GALNT14: variants seen among roughly 807,000 people sequenced by gnomAD.
GALNT14 encodes polypeptide N-acetylgalactosaminyltransferase 14, also known as UDP-GalNAc:polypeptide N-acetylgalactosaminyltransferase 14.
A neutral mutation model predicts 77.5 loss-of-function variants in GALNT14; 60 were observed. That is an observed-to-expected ratio of 0.77 (90% CI 0.63 to 0.96). The LOEUF is 0.96. GALNT14 is among the 40% of genes least tolerant of loss of function. The pLI, the probability that GALNT14 is intolerant of heterozygous loss-of-function variation, is 0.00. For missense variants in GALNT14, 710 were observed against 731.0 expected, an observed-to-expected ratio of 0.97 and a Z score of 0.33; for synonymous variants, 280 against 281.7, an observed-to-expected ratio of 0.99 and a Z score of 0.06.
chr2:31,059,682 G>A (rs1674465965), intron 1 of GALNT14, among the ~76,000 whole-genome samples: 1 of 152,140 alleles, frequency 6.6e-6, no homozygotes, highest in African/African-American at 2.4e-5. Context: ...TCCAGCCTAG[G>A]CAACAGAGCA....
intron 2 of GALNT14, chr2:30,991,351 C>T (rs1218339850): frequency 6.7e-6 from 1 of 150,356 alleles, no homozygotes; most frequent in African/African-American, 2.5e-5. Flanking sequence ...TCCCTCTTCC[C>T]CTCTCTCCTA....
At chr2:31,111,569 AATAAACT>A (rs1332337136) in intron 1 of GALNT14, among the ~76,000 whole-genome samples, 2 of 151,850 alleles carry the variant, frequency 1.3e-5, no homozygotes, top group Admixed American at 1.3e-4. Context: ...TTAAGCAGAA[AATAAACT>A]ATAACAAACC....
intron 3 of GALNT14, among the ~76,000 whole-genome samples, chr2:30,960,866 C>A (rs796432678): frequency 2.0e-5 from 3 of 152,248 alleles, no homozygotes; most frequent in Admixed American, 2.0e-4. Flanking sequence ...GCCTCACCCC[C>A]ACTCCAGCTG....
chr2:30,938,798 A>G (rs2148272301), intron 9 of GALNT14, among the ~76,000 whole-genome samples: 1 of 152,330 alleles, frequency 6.6e-6, no homozygotes, highest in Admixed American at 6.5e-5. Context: ...CTCTGGCCAG[A>G]GCCTGTCCCA....
At chr2:31,110,420 T>C (rs1257120860) in intron 1 of GALNT14, among the ~76,000 whole-genome samples, 2 of 152,114 alleles carry the variant, frequency 1.3e-5, no homozygotes, top group African/African-American at 4.8e-5. Context: ...AAAGAAAGAA[T>C]CACCTTTCTT....
chr2:31,070,609 C>G (rs571618307), intron 1 of GALNT14, among the ~76,000 whole-genome samples: 2 of 152,380 alleles, frequency 1.3e-5, no homozygotes, highest in South Asian at 4.1e-4. Context: ...GGAGCCAGCA[C>G]AGCCGAAACA....
intron 11 of GALNT14, among the ~76,000 whole-genome samples, chr2:30,925,168 G>A (rs1174464754): frequency 6.6e-6 from 1 of 152,156 alleles, no homozygotes; most frequent in African/African-American, 2.4e-5. Flanking sequence ...GGGGCTCTGG[G>A]CCTGCTTATT....
At chr2:30,951,482 T>C (rs1253097140) in intron 6 of GALNT14, among the ~76,000 whole-genome samples, 1 of 152,114 alleles carries the variant, frequency 6.6e-6, no homozygotes, top group Admixed American at 6.5e-5. Flanking sequence ...AGGTTTCCTT[T>C]TGGGGTAATA....
rs190407978 is a variant in GALNT14 at position 31,129,453 on chromosome 2, C to T, written c.129+8505G>A. On this transcript the variant is annotated intron_variant, in intron 1 of 14. Coordinates refer to ENST00000349752, the MANE Select transcript of GALNT14 (RefSeq NM_024572.4). ...TCCTCTTCTGATAAAGACCACCTGC[C>T]CACCATAAGGACATTAGTCAATTCA... 3.8e-4 allele frequency: 378 copies of T among 985,424 alleles called. 1 individual carries two copies. In the African/African-American group the frequency reaches 6.2e-3, roughly 16 times the overall value. The allele number at this position is 985,424 out of a possible 1,614,324, so 61.0% of individuals were successfully genotyped here.
the GALNT14 span, among the ~76,000 whole-genome samples, chr2:30,889,707 A>G: frequency 2.0e-5 from 3 of 152,222 alleles, no homozygotes; most frequent in African/African-American, 7.2e-5. Flanking sequence ...TCCTGCACAG[A>G]ACAAATAATC....
chr2:31,132,038 G>A (rs1209689726), intron 1 of GALNT14, among the ~76,000 whole-genome samples: 2 of 152,178 alleles, frequency 1.3e-5, no homozygotes, highest in East Asian at 1.9e-4. Context: ...AAAGGTTAGG[G>A]AGAGATAGAG....
intron 3 of GALNT14, among the ~76,000 whole-genome samples, chr2:30,962,128 T>C (rs1249040759): frequency 4.6e-5 from 7 of 152,198 alleles, no homozygotes; most frequent in Non-Finnish European, 1.0e-4. Flanking sequence ...GCTCACAATA[T>C]ACACCTGTTG....
the GALNT14 span, among the ~76,000 whole-genome samples, chr2:30,897,564 G>C: frequency 6.6e-6 from 1 of 152,178 alleles, no homozygotes; most frequent in African/African-American, 2.4e-5. Flanking sequence ...TGAGAGGCAC[G>C]GCCTCCCCAT....
chr2:31,113,439 C>A (rs1558577099), intron 1 of GALNT14, among the ~76,000 whole-genome samples: 1 of 152,092 alleles, frequency 6.6e-6, no homozygotes, highest in Non-Finnish European at 1.5e-5. Context: ...GTAGGAGAGG[C>A]CCCTGGGAGG....
At chr2:30,952,832 A>G (rs957984720) in intron 6 of GALNT14, among the ~76,000 whole-genome samples, 5 of 152,258 alleles carry the variant, frequency 3.3e-5, no homozygotes, top group South Asian at 2.1e-4. Flanking sequence ...AATGTCTGCA[A>G]TGACCATGGG....
At chr2:30,938,974 A>C (rs1447365638) in intron 9 of GALNT14, among the ~76,000 whole-genome samples, 1 of 152,234 alleles carries the variant, frequency 6.6e-6, no homozygotes, top group South Asian at 2.1e-4. Context: ...CTAGGGCTCC[A>C]TTTAATCCAA....
At chr2:30,931,608 C>T (rs368081636) in intron 10 of GALNT14, among the ~76,000 whole-genome samples, 1 of 152,106 alleles carries the variant, frequency 6.6e-6, no homozygotes, top group South Asian at 2.1e-4. Flanking sequence ...TGGCCAGGCC[C>T]TGGAGCAGGG....
chr2:30,936,259 G>A (rs1465347728), intron 9 of GALNT14, among the ~76,000 whole-genome samples: 1 of 151,898 alleles, frequency 6.6e-6, no homozygotes, highest in Non-Finnish European at 1.5e-5. Flanking sequence ...CCCTTCACCA[G>A]AACCAACTTC....
chr2:31,132,712 C>G (rs1679050795), intron 1 of GALNT14: 2 of 470,772 alleles, frequency 4.2e-6, no homozygotes, highest in South Asian at 1.6e-5. Flanking sequence ...TGGGAAGAAC[C>G]CTGAAACAAA....
Sources: allele counts gnomAD v4.1 joint callset (sites outside exome capture counted in the v4.1 genomes callset), GRCh38; gene constraint gnomAD v4.1.1; transcripts MANE v1.5; gene names NCBI Gene and HGNC (gene_info 2026-07-23, HGNC 2026-07-21).